The following PLCZ1 variants were observed in gnomAD, a reference collection of about 807,000 sequenced individuals.
The protein encoded by PLCZ1 is phospholipase C zeta 1, also known as 1-phosphatidylinositol 4,5-bisphosphate phosphodiesterase zeta-1.
In PLCZ1, 64 loss-of-function variants were observed where a neutral mutation model predicts 76.8. That is an observed-to-expected ratio of 0.83 (90% confidence interval 0.68 to 1.03). PLCZ1 has a LOEUF of 1.03. PLCZ1 is among the 50% of genes least tolerant of loss of function. The pLI, the probability that PLCZ1 is intolerant of heterozygous loss-of-function variation, is 0.00. For synonymous variants in PLCZ1, 248 were observed against 230.8 expected (o/e 1.07, Z -0.68); for missense variants, 751 against 713.7 (o/e 1.05, Z -0.60).
Position 18,716,050 on chromosome 12 carries a change from GATTT to G in PLCZ1, c.570-3068_570-3065del, listed in dbSNP as rs1199052975. 3.9e-5 allele frequency among the ~76,000 whole-genome samples: 6 copies of G among 152,068 alleles called. No individual in the cohort carries two copies. In the East Asian group the frequency reaches 9.7e-4, roughly 24 times the overall value. ...AAATGAATATATTTCTTGGCTTACG[GATTT>G]ATTTATGTATTTAGATTTTAAGTTG... On this transcript the variant is annotated intron_variant, in intron 5 of 14. Coordinates refer to ENST00000266505, the MANE Select transcript of PLCZ1 (RefSeq NM_033123.4).
chr12:18,650,700 G>GTATATATCTATA, the PLCZ1 span, among the ~76,000 whole-genome samples: 1 of 43,840 alleles, frequency 2.3e-5, no homozygotes, highest in African/African-American at 9.2e-5. Context: ...GTGTGTGTGT[G>GTATATATCTATA]TGTGTATATA....
chr12:18,684,256 T>C lies in PLCZ1; in HGVS notation c.1615A>G (p.Thr539Ala). 1 of 1,609,680 alleles carries C rather than the reference T, an allele frequency of 6.2e-7. No individual in the cohort carries two copies. Among genetic ancestry groups the C allele is most frequent in the Non-Finnish European group, 8.5e-7 (1 of 1,176,858 alleles). ...GGGACATGAATAATAAATGTGAATG[T>C]TTCATTCCATCTTGGACTAAAAGCT... ...KNAFSPRWNE[T>A]FTFIIHVPEL... The change falls in exon 14 of 15, where the codon ACA becomes GCA. Residue 539 changes from threonine to alanine, a missense_variant. Physicochemically the swap from Thr to Ala is moderately conservative, Grantham distance 58. Transcript: ENST00000266505.
chr12:18,704,805 G>A (rs1956397705), intron 7 of PLCZ1, among the ~76,000 whole-genome samples: 1 of 152,136 alleles, frequency 6.6e-6, no homozygotes, highest in Non-Finnish European at 1.5e-5. Flanking sequence ...CCCAGCTGTT[G>A]AGATATTGGG....
the PLCZ1 span, among the ~76,000 whole-genome samples, chr12:18,660,439 T>C: frequency 0.38 from 58,091 of 152,036 alleles, 13,798 homozygotes; most frequent in South Asian, 0.59. Flanking sequence ...CAGGGGGGTT[T>C]AAAGGGCCAG....
chr12:18,696,288 A>G, intron 10 of PLCZ1, 22 bp from the exon 11 acceptor site: 2 of 1,079,752 alleles, frequency 1.9e-6, no homozygotes, highest in Non-Finnish European at 1.3e-6. Flanking sequence ...TAATTAAAAC[A>G]TTGTGAAAGA....
the PLCZ1 span, among the ~76,000 whole-genome samples, chr12:18,663,851 A>C: frequency 6.6e-6 from 1 of 152,198 alleles, no homozygotes; most frequent in Non-Finnish European, 1.5e-5. Flanking sequence ...CATACATCTT[A>C]TAAGGAATTA....
chr12:18,698,195 T>C (rs1202588042), intron 10 of PLCZ1, among the ~76,000 whole-genome samples: 1 of 151,904 alleles, frequency 6.6e-6, no homozygotes, highest in African/African-American at 2.4e-5. Flanking sequence ...CGATGCACAA[T>C]TGCTTCATAA....
chr12:18,671,166 G>C, the PLCZ1 span, among the ~76,000 whole-genome samples: 1 of 147,604 alleles, frequency 6.8e-6, no homozygotes, highest in Non-Finnish European at 1.5e-5. Context: ...TCCAGCCCGG[G>C]TGACAGGGTG....
chr12:18,733,114 A>G (rs1959144305), intron 3 of PLCZ1, among the ~76,000 whole-genome samples: 1 of 152,120 alleles, frequency 6.6e-6, no homozygotes, highest in African/African-American at 2.4e-5. Flanking sequence ...TCCTGCCAAC[A>G]CTTTTCTGTT....
chr12:18,679,298 T>A (rs1317560222), downstream of PLCZ1, among the ~76,000 whole-genome samples: 1 of 151,986 alleles, frequency 6.6e-6, no homozygotes, highest in Non-Finnish European at 1.5e-5. Context: ...TTTAAAAAAA[T>A]TTTGATGAAA....
In PLCZ1 at chr12:18,684,135, T is replaced by G. The variant is rs1200690947; in HGVS notation, c.1736A>C (p.Asn579Thr). 6.2e-7 allele frequency: 1 copy of G among 1,611,424 alleles called. No homozygotes were observed. The highest frequency in any genetic ancestry group is 8.5e-7 in the Non-Finnish European group (1 of 1,178,544). The change falls in exon 14 of 15, where the codon AAC (asparagine) becomes ACC (threonine). Residue 579 changes from asparagine (N) to threonine (T), a missense_variant. Physicochemically the swap from Asn to Thr is moderately conservative, Grantham distance 65. Coordinates refer to ENST00000266505, the MANE Select transcript of PLCZ1 (RefSeq NM_033123.4). ...GQYTLPLLCM[N>T]KGYRRIPLFS... The stretch of plus-strand genomic sequence containing the variant: ...CTAACTTTTAGGGACATTACCTTTG[T>G]TCATGCATAGAAGTGGCAAAGTATA...
At chr12:18,652,133 C>T in the PLCZ1 span, among the ~76,000 whole-genome samples, 3 of 151,948 alleles carry the variant, frequency 2.0e-5, no homozygotes, top group African/African-American at 7.3e-5. Flanking sequence ...GAAGTCCTAA[C>T]CCCAGGTACC....
chr12:18,716,253 GA>G (rs139920100), intron 5 of PLCZ1, among the ~76,000 whole-genome samples: 7 of 151,658 alleles, frequency 4.6e-5, no homozygotes, highest in African/African-American at 1.2e-4. Context: ...GGGGTGGGGG[GA>G]AAAAACCACC....
intron 10 of PLCZ1, 79 bp downstream of exon 10, chr12:18,699,715 A>G (rs1384457496): frequency 1.5e-6 from 2 of 1,367,142 alleles, no homozygotes; most frequent in Non-Finnish European, 2.1e-6. Flanking sequence ...TTTTATAAAT[A>G]TCATTGAGCA....
chr12:18,650,173 A>G, the PLCZ1 span, among the ~76,000 whole-genome samples: 3 of 152,004 alleles, frequency 2.0e-5, no homozygotes. Flanking sequence ...CACAGGGATC[A>G]GGGAAAATAT....
At chr12:18,737,279 C>T (rs527571433) in intron 2 of PLCZ1, 82 bp downstream of exon 2, 1 of 1,485,724 alleles carries the variant, frequency 6.7e-7, no homozygotes, top group Admixed American at 1.7e-5. Flanking sequence ...TTCAGAACTC[C>T]TCGAAAAGAA....
rs17422456 is a variant in PLCZ1, at chr12:18,735,936, C to T, written c.135+285G>A. 846 of 265,248 alleles carry T rather than the reference C, an allele frequency of 3.2e-3. 5 individuals are homozygous for T. Among genetic ancestry groups the T allele is most frequent in the Middle Eastern group, 6.8e-3 (5 of 734 alleles). The allele number at this position is 265,248 out of a possible 1,614,324, so 16.4% of individuals were successfully genotyped here. A position where few individuals can be genotyped will look rare whatever the true frequency, so the allele number is the denominator to read the frequency against. On this transcript the variant is annotated intron_variant, in intron 3 of 14. Transcript: ENST00000266505. ...TTTTATAAATCACTAACATCTAATA[C>T]AGTTACCATTATCAGTCTGATATAA...
intron 6 of PLCZ1, among the ~76,000 whole-genome samples, chr12:18,711,219 T>C (rs1468143495): frequency 8.7e-5 from 13 of 149,946 alleles, no homozygotes; most frequent in African/African-American, 2.5e-5. Flanking sequence ...AAATGAAGAG[T>C]TCATGTCCTT....
Position 18,687,518 on chromosome 12 carries a change from C to T in PLCZ1, c.1591+571G>A, listed in dbSNP as rs79299368. Among the ~76,000 whole-genome samples, 717 of 152,216 alleles carry T rather than the reference C, an allele frequency of 4.7e-3. 3 individuals carry two copies. The highest frequency in any genetic ancestry group is 5.5e-3 in the Non-Finnish European group (372 of 67,996). Reference sequence around the variant, plus strand: ...AAGAAATGGCAATGCCAGTACTATACTGTGTAAGATGTCATAGCATGCCAG... The same window carrying T: ...AAGAAATGGCAATGCCAGTACTATATTGTGTAAGATGTCATAGCATGCCAG... On this transcript the variant is annotated intron_variant, in intron 13 of 14. Coordinates refer to ENST00000266505, the MANE Select transcript of PLCZ1 (RefSeq NM_033123.4).
Sources: allele counts gnomAD v4.1 joint callset (sites outside exome capture counted in the v4.1 genomes callset), GRCh38; gene constraint gnomAD v4.1.1; transcripts MANE v1.5; gene names NCBI Gene and HGNC (gene_info 2026-07-23, HGNC 2026-07-21).